Variants in PCBP3 observed in about 807,000 individuals in gnomAD.
PCBP3 encodes the protein poly(rC)-binding protein 3.
PCBP3 carries 25 observed loss-of-function variants against 52.7 expected under a neutral mutation model. The ratio of observed to expected loss-of-function variants is 0.47; its 90% CI spans 0.35 to 0.66. PCBP3 has a LOEUF of 0.66. PCBP3 is among the 30% of genes least tolerant of loss of function. The probability of loss-of-function intolerance (pLI) is 0.01; values close to 1 mark genes in which losing one functional copy is unlikely to be tolerated. For missense variants in PCBP3, 391 were observed against 490.3 expected, an observed-to-expected ratio of 0.80 and a Z score of 1.91; for synonymous variants, 162 against 183.0, an observed-to-expected ratio of 0.89 and a Z score of 0.93.
At chr21:45,836,604 G>A (rs1428632972) in intron 4 of PCBP3, among the ~76,000 whole-genome samples, 3 of 151,958 alleles carry the variant, frequency 2.0e-5, no homozygotes, top group African/African-American at 4.8e-5. Flanking sequence ...CGTACGTAAC[G>A]TGAGCTGCGG....
chr21:45,935,146 G>A (rs1409560013), intron 15 of PCBP3, 107 bp from the exon 16 acceptor site: 14 of 755,378 alleles, frequency 1.9e-5, no homozygotes, highest in Admixed American at 4.2e-5. Context: ...ACTTGGGCCA[G>A]CTCTACAGCC....
chr21:45,654,180 A>C (rs997250297), intron 1 of PCBP3, among the ~76,000 whole-genome samples: 2 of 152,134 alleles, frequency 1.3e-5, no homozygotes, highest in African/African-American at 4.8e-5. Context: ...CAGTAATATT[A>C]ACAGTTAGTG....
chr21:45,780,673 G>T (rs1293544957), intron 4 of PCBP3, among the ~76,000 whole-genome samples: 1 of 152,192 alleles, frequency 6.6e-6, no homozygotes, highest in Non-Finnish European at 1.5e-5. Context: ...AGCAGAGCAT[G>T]AAGCAATGGA....
chr21:45,933,141 C>G (rs1468353362), intron 15 of PCBP3, among the ~76,000 whole-genome samples: 2 of 152,120 alleles, frequency 1.3e-5, no homozygotes. Context: ...ATTGGCCATG[C>G]TGTCTTGAGA....
At chr21:45,835,029 G>A (rs893384046) in intron 4 of PCBP3, among the ~76,000 whole-genome samples, 18 of 152,338 alleles carry the variant, frequency 1.2e-4, no homozygotes, top group Non-Finnish European at 2.1e-4. Context: ...AGGCCGGTTC[G>A]CGAACGCCGC....
intron 4 of PCBP3, among the ~76,000 whole-genome samples, chr21:45,806,343 G>A (rs1555948021): frequency 6.6e-6 from 1 of 151,282 alleles, no homozygotes; most frequent in Non-Finnish European, 1.5e-5. Flanking sequence ...GGAAGTGGAG[G>A]TGAGGCCAGG....
chr21:45,891,410 A>G (rs182698525), intron 5 of PCBP3, among the ~76,000 whole-genome samples: 68 of 152,354 alleles, frequency 4.5e-4, no homozygotes, highest in African/African-American at 1.3e-3. Context: ...GGAATTCTAA[A>G]CAGAAAAGAA....
rs143860021 is a variant in PCBP3, at chr21:45,696,663, C to T, written c.-200+27711C>T. On this transcript the variant is annotated intron_variant, in intron 2 of 17. Coordinates refer to ENST00000681687, the MANE Select transcript of PCBP3 (RefSeq NM_001384156.1). Reference sequence around the variant, plus strand: ...AAAATTAGCTGGGCATGGTGGCGCACGCCTGTAGTCCCAGCTGCTTGGGAG... The same window carrying T: ...AAAATTAGCTGGGCATGGTGGCGCATGCCTGTAGTCCCAGCTGCTTGGGAG... Among the ~76,000 whole-genome samples the T allele has an allele frequency of 3.1e-3, 467 of 152,090 alleles. 3 individuals are homozygous for T. The highest frequency in any genetic ancestry group is 4.5e-3 in the Admixed American group (68 of 15,280).
intron 5 of PCBP3, among the ~76,000 whole-genome samples, chr21:45,890,087 G>A (rs1297839048): frequency 5.9e-5 from 9 of 152,264 alleles, no homozygotes; most frequent in East Asian, 5.8e-4. Flanking sequence ...GGTGGGAGAC[G>A]TGGCCTCGCA....
rs1241307007 is a variant in PCBP3 at position 45,736,560 on chromosome 21, G to A, written c.-162+1131G>A. On this transcript the variant is annotated intron_variant, in intron 3 of 17. Coordinates refer to ENST00000681687, the MANE Select transcript of PCBP3 (RefSeq NM_001384156.1). The surrounding 1 kb of genome is among the most constrained non-coding windows in gnomAD (Gnocchi z 4.6). ...AGACGGCATGGGGAGTTGGCAGGGG[G>A]AGGCCCTCGGAGAGATGGCATGGGG... is the stretch of plus-strand genomic sequence containing the variant. Among the ~76,000 whole-genome samples, 1 of 152,046 alleles carries A rather than the reference G, an allele frequency of 6.6e-6. No individual in the cohort carries two copies. Among genetic ancestry groups the A allele is most frequent in the East Asian group, 1.9e-4 (1 of 5,182 alleles).
chr21:45,796,963 T>C (rs1327360870), intron 4 of PCBP3, among the ~76,000 whole-genome samples: 1 of 152,234 alleles, frequency 6.6e-6, no homozygotes, highest in African/African-American at 2.4e-5. Flanking sequence ...GCTTAATCAA[T>C]GAATTTGTAA....
intron 2 of PCBP3, among the ~76,000 whole-genome samples, chr21:45,728,152 G>T (rs1039652177): frequency 7.2e-5 from 11 of 152,056 alleles, no homozygotes; most frequent in African/African-American, 2.7e-4. Context: ...TGGAGGGTAC[G>T]GTCTAACTTT....
chr21:45,868,649 C>G (rs1377309297), intron 5 of PCBP3, among the ~76,000 whole-genome samples: 2 of 152,178 alleles, frequency 1.3e-5, no homozygotes, highest in East Asian at 3.9e-4. Flanking sequence ...GCGAGCCTGT[C>G]CCTGGGCCCG....
chr21:45,912,835 A>C (rs10854475), intron 11 of PCBP3, among the ~76,000 whole-genome samples: 4 of 152,042 alleles, frequency 2.6e-5, no homozygotes, highest in Non-Finnish European at 2.9e-5. Context: ...GGCCCAGCTC[A>C]AGTCAGCCCA....
chr21:45,897,339 G>A (rs1010315259), intron 6 of PCBP3, among the ~76,000 whole-genome samples: 5 of 152,136 alleles, frequency 3.3e-5, no homozygotes, highest in Non-Finnish European at 5.9e-5. Context: ...GGAGTAGGTC[G>A]TCGGCTTTGA....
chr21:45,793,857 A>G (rs746747315), intron 4 of PCBP3, among the ~76,000 whole-genome samples: 21 of 152,190 alleles, frequency 1.4e-4, no homozygotes, highest in Admixed American at 1.3e-3. Flanking sequence ...AGGGCAAAGG[A>G]AAAGTGTCTT....
At chr21:45,684,087 G>T (rs891878717) in intron 2 of PCBP3, among the ~76,000 whole-genome samples, 9 of 151,054 alleles carry the variant, frequency 6.0e-5, no homozygotes, top group African/African-American at 2.2e-4. Context: ...AAATTGCCGG[G>T]TGTGGTGGCA....
chr21:45,659,107 T>G (rs972668615), intron 1 of PCBP3, among the ~76,000 whole-genome samples: 16 of 151,766 alleles, frequency 1.1e-4, no homozygotes, highest in African/African-American at 3.9e-4. Context: ...AACTTTGGTT[T>G]CATTGTTGTT....
At chr21:45,938,997 G>A (rs529346810) in intron 16 of PCBP3, among the ~76,000 whole-genome samples, 10 of 152,286 alleles carry the variant, frequency 6.6e-5, no homozygotes, top group Non-Finnish European at 1.0e-4. Flanking sequence ...TCCATCCAGC[G>A]TCTTACTGGT....
Sources: gnomAD v4.1 joint callset for allele counts (sites outside exome capture counted in the v4.1 genomes callset) on GRCh38, gnomAD v4.1.1 for gene constraint, Gnocchi (gnomAD v3.1) non-coding constraint, MANE v1.5 for transcripts, NCBI Gene and HGNC (gene_info 2026-07-23, HGNC 2026-07-21) for gene names.